ACAD11: variants seen among roughly 807,000 people sequenced by gnomAD.
ACAD11 encodes acyl-CoA dehydrogenase family member 11.
Under a neutral mutation model 102.2 loss-of-function variants are expected in ACAD11, and 83 were observed. The ratio of observed to expected loss-of-function variants is 0.81; its 90% CI spans 0.68 to 0.97. The LOEUF (loss-of-function observed/expected upper bound fraction) is 0.97. Ranked by LOEUF, ACAD11 falls within the 50% of genes least tolerant of loss-of-function variation. The probability of loss-of-function intolerance (pLI) is 0.00; values close to 1 mark genes in which losing one functional copy is unlikely to be tolerated. For synonymous variants in ACAD11, 324 were observed against 319.8 expected (o/e 1.01, Z -0.14); for missense variants, 901 against 951.7 (o/e 0.95, Z 0.70).
At chr3:132,593,967 T>A (rs776880930) in intron 13 of ACAD11, among the ~76,000 whole-genome samples, 1 of 152,200 alleles carries the variant, frequency 6.6e-6, no homozygotes. Flanking sequence ...CTAAGCTACA[T>A]GATTATTTCA....
At chr3:132,619,363 A>G (rs1939525078) in intron 10 of ACAD11, 105 bp downstream of exon 10, 1 of 641,674 alleles carries the variant, frequency 1.6e-6, no homozygotes, top group African/African-American at 1.9e-5. Context: ...GTTATTATTG[A>G]TATAATTTTC....
chr3:132,560,510 C>A (rs972845741), intron 18 of ACAD11, among the ~76,000 whole-genome samples: 3 of 152,066 alleles, frequency 2.0e-5, no homozygotes, highest in Non-Finnish European at 2.9e-5. Context: ...GCCTCAGAAT[C>A]CTGGGCTCAA....
At chr3:132,640,422 C>T (rs1047946376) in intron 4 of ACAD11, among the ~76,000 whole-genome samples, 2 of 152,156 alleles carry the variant, frequency 1.3e-5, no homozygotes, top group Non-Finnish European at 2.9e-5. Flanking sequence ...TTATTACCCA[C>T]AGAATTTTCT....
chr3:132,652,134 G>A (rs554179234), intron 1 of ACAD11, among the ~76,000 whole-genome samples: 11 of 152,146 alleles, frequency 7.2e-5, no homozygotes, highest in Non-Finnish European at 1.3e-4. Context: ...CATGTATCAT[G>A]GGTGAGACCT....
intron 13 of ACAD11, among the ~76,000 whole-genome samples, chr3:132,598,786 T>C (rs1200754786): frequency 6.6e-6 from 1 of 151,704 alleles, no homozygotes; most frequent in Non-Finnish European, 1.5e-5. Flanking sequence ...GGACACAGAG[T>C]AGGGAGAGGT....
intron 5 of ACAD11, among the ~76,000 whole-genome samples, chr3:132,633,124 G>C (rs1940120423): frequency 6.6e-6 from 1 of 152,176 alleles, no homozygotes; most frequent in South Asian, 2.1e-4. Context: ...AATAGGAGTG[G>C]TGAGAGAGGG....
At chr3:132,578,188 G>A (rs774197916) in intron 15 of ACAD11, among the ~76,000 whole-genome samples, 8 of 152,064 alleles carry the variant, frequency 5.3e-5, no homozygotes, top group Non-Finnish European at 7.4e-5. Context: ...GTGAAAGCCC[G>A]TCTCTACTAA....
chr3:132,605,572 G>A (rs1938804403), intron 11 of ACAD11, among the ~76,000 whole-genome samples: 1 of 152,176 alleles, frequency 6.6e-6, no homozygotes, highest in Admixed American at 6.5e-5. Flanking sequence ...TGCTCCCGGA[G>A]AACAATTAAC....
At chr3:132,571,343 C>T (rs1175932821) in intron 17 of ACAD11, among the ~76,000 whole-genome samples, 9 of 142,674 alleles carry the variant, frequency 6.3e-5, no homozygotes, top group East Asian at 2.1e-4. Context: ...TACTTTTTAA[C>T]GGTTTTTTTT....
At chr3:132,578,559 G>GAATTTATATTCTATAAATTCTAT (rs1937555144) in intron 15 of ACAD11, 6 of 168,776 alleles carry the variant, frequency 3.6e-5, no homozygotes, top group Admixed American at 6.4e-5. Context: ...CAAAAAGGCA[G>GAATTTATATTCTATAAATTCTAT]AATTTATATT....
intron 13 of ACAD11, among the ~76,000 whole-genome samples, chr3:132,598,233 A>C (rs1938402412): frequency 6.6e-6 from 1 of 152,242 alleles, no homozygotes; most frequent in Non-Finnish European, 1.5e-5. Context: ...AAAAACACTG[A>C]AAGTCATTAT....
chr3:132,641,982 C>A lies in ACAD11; in HGVS notation c.527G>T (p.Cys176Phe), dbSNP rs1479797552. The change falls in exon 4 of 20, where the codon TGC (cysteine) becomes TTC (phenylalanine). Residue 176 changes from cysteine to phenylalanine, a missense_variant. Coordinates refer to ENST00000264990, the MANE Select transcript of ACAD11 (RefSeq NM_032169.5). ...LEGYGIGAGY[C>F]KRQVSTWTKQ... is the part of the protein sequence containing the mutation. ...ATGTGGATGCATTACCTGTCTTTTG[C>A]AGTACCCAGCACCTATACCATATCC... The A allele has an allele frequency of 2.5e-6, 4 of 1,600,258 alleles. No individual in the cohort carries two copies. In the African/African-American group the frequency reaches 5.4e-5, roughly 21 times the overall value.
At chr3:132,626,098 C>T (rs903924389) in intron 9 of ACAD11, among the ~76,000 whole-genome samples, 1 of 152,174 alleles carries the variant, frequency 6.6e-6, no homozygotes, top group Non-Finnish European at 1.5e-5. Flanking sequence ...GTCTAAGCTT[C>T]ACATGAGCAT....
At chr3:132,588,403 A>G (rs1302681067) in intron 13 of ACAD11, among the ~76,000 whole-genome samples, 3 of 152,224 alleles carry the variant, frequency 2.0e-5, no homozygotes, top group Non-Finnish European at 4.4e-5. Flanking sequence ...ATTTGAATAC[A>G]AATATACATT....
intron 1 of ACAD11, chr3:132,645,775 T>C (rs1052542491): frequency 6.6e-6 from 1 of 152,216 alleles, no homozygotes; most frequent in Admixed American, 6.5e-5. Flanking sequence ...AGTGTCTATG[T>C]CTTCTATAAA....
chr3:132,589,588 C>T (rs551153062), intron 13 of ACAD11, among the ~76,000 whole-genome samples: 116 of 152,280 alleles, frequency 7.6e-4, no homozygotes, highest in East Asian at 2.3e-3. Context: ...GAAGGATCAA[C>T]GCTACTTGCC....
Position 132,637,196 on chromosome 3 carries a change from A to G in ACAD11, c.702+2296T>C, listed in dbSNP as rs191881647. 3.3e-5 allele frequency among the ~76,000 whole-genome samples: 5 copies of G among 152,292 alleles called. No individual in the cohort carries two copies. In the East Asian group the frequency reaches 9.6e-4, roughly 29 times the overall value. ...AGAAAAAATAAAAAGTAAAATAATA[A>G]TAATAATGATGATATAAAGTCAGGG... On this transcript the variant is annotated intron_variant, in intron 5 of 19. Transcript: ENST00000264990.
At chr3:132,642,490 G>C (rs1221490256) in intron 3 of ACAD11, among the ~76,000 whole-genome samples, 187 bp downstream of exon 3, 1 of 152,084 alleles carries the variant, frequency 6.6e-6, no homozygotes, top group Non-Finnish European at 1.5e-5. Flanking sequence ...TTTGTTTCTT[G>C]TCTATTCCAT....
At chr3:132,591,819 G>A (rs1354040354) in intron 13 of ACAD11, among the ~76,000 whole-genome samples, 1 of 152,162 alleles carries the variant, frequency 6.6e-6, no homozygotes, top group African/African-American at 2.4e-5. Context: ...TGAGCCCCGG[G>A]AAGTCAAGGT....
Sources: allele counts gnomAD v4.1 joint callset (sites outside exome capture counted in the v4.1 genomes callset), GRCh38; gene constraint gnomAD v4.1.1; transcripts MANE v1.5; gene names NCBI Gene and HGNC (gene_info 2026-07-23, HGNC 2026-07-21).